The following FBXL13 variants were observed in gnomAD, a reference collection of about 807,000 sequenced individuals.
FBXL13 encodes F-box and leucine-rich repeat protein 13.
A neutral mutation model predicts 83.6 loss-of-function variants in FBXL13; 67 were observed. The observed-to-expected ratio is 0.80, with a 90% confidence interval of 0.66 to 0.98. FBXL13 has a LOEUF of 0.98. FBXL13 is among the 50% of genes least tolerant of loss of function. The pLI, the probability that FBXL13 is intolerant of heterozygous loss-of-function variation, is 0.00. For missense variants in FBXL13, 822 were observed against 866.5 expected (o/e 0.95, Z 0.64); for synonymous variants, 272 against 299.5 (o/e 0.91, Z 0.95).
At chr7:102,998,432 C>G (rs998135248) in intron 6 of FBXL13, among the ~76,000 whole-genome samples, 5 of 152,146 alleles carry the variant, frequency 3.3e-5, no homozygotes, top group African/African-American at 1.2e-4. Context: ...CTTCTTTCAT[C>G]AGTGTTTCAG....
chr7:102,965,872 T>C (rs1825917690), intron 7 of FBXL13, among the ~76,000 whole-genome samples: 1 of 152,184 alleles, frequency 6.6e-6, no homozygotes, highest in South Asian at 2.1e-4. Flanking sequence ...GTCCAGTCAA[T>C]AGCTGACTTC....
At chr7:102,986,027 C>G (rs540873276) in intron 6 of FBXL13, among the ~76,000 whole-genome samples, 10 of 151,836 alleles carry the variant, frequency 6.6e-5, no homozygotes, top group East Asian at 3.9e-4. Context: ...GCCCCCCCCC[C>G]ATCAATACAT....
At chr7:102,867,308 T>C (rs1807795537) in intron 16 of FBXL13, among the ~76,000 whole-genome samples, 4 of 152,000 alleles carry the variant, frequency 2.6e-5, no homozygotes, top group Admixed American at 2.6e-4. Flanking sequence ...CAGTGAGCTA[T>C]GATGATGCCA....
rs756338898 is a variant in FBXL13 at position 102,926,282 on chromosome 7, GA to G, written c.869del (p.Leu290ProfsTer28). ...AATAACACAAACATTACCTCGGCAG[GA>G]GTCGCATCGTCCTGTTGGTGATAGT... On this transcript the variant is annotated frameshift_variant, in exon 10 of 20. Coordinates refer to ENST00000313221, the Ensembl canonical transcript of FBXL13. LOFTEE classifies it high-confidence loss of function. The G allele has an allele frequency of 6.2e-7, 1 of 1,613,344 alleles. No homozygotes were observed. The highest frequency in any genetic ancestry group is 1.7e-5 in the Admixed American group (1 of 59,918).
At chr7:102,885,022 T>C (rs1053987940) in intron 11 of FBXL13, among the ~76,000 whole-genome samples, 1 of 152,234 alleles carries the variant, frequency 6.6e-6, no homozygotes, top group Non-Finnish European at 1.5e-5. Context: ...AAAACTACGT[T>C]TTAAAAATCC....
chr7:102,818,572 AT>A (rs1798324970), intron 19 of FBXL13, among the ~76,000 whole-genome samples: 1 of 152,146 alleles, frequency 6.6e-6, no homozygotes, highest in Non-Finnish European at 1.5e-5. Context: ...TAAGAGTTTT[AT>A]TTTTTATCAA....
intron 3 of FBXL13, among the ~76,000 whole-genome samples, 162 bp from the exon 5 acceptor site, chr7:103,028,910 AAG>A (rs1289484604): frequency 8.5e-5 from 13 of 152,136 alleles, no homozygotes; most frequent in African/African-American, 2.9e-4. Flanking sequence ...AAGAATTCCT[AAG>A]AGTTATAGAG....
intron 8 of FBXL13, among the ~76,000 whole-genome samples, chr7:102,938,440 T>C (rs1367945509): frequency 6.6e-6 from 1 of 152,226 alleles, no homozygotes; most frequent in Non-Finnish European, 1.5e-5. Context: ...ACAACCAATA[T>C]AGCCTGCTAA....
chr7:103,030,616 A>AT (rs1239957779), intron 2 of FBXL13, among the ~76,000 whole-genome samples: 1 of 152,170 alleles, frequency 6.6e-6, no homozygotes, highest in African/African-American at 2.4e-5. Context: ...TCCTAAATAA[A>AT]TAACTACAGT....
At chr7:103,038,709 C>A (rs1019868833) in intron 2 of FBXL13, among the ~76,000 whole-genome samples, 1 of 152,206 alleles carries the variant, frequency 6.6e-6, no homozygotes, top group Admixed American at 6.5e-5. Context: ...CAAACTCCAA[C>A]AGACTGGCAG....
chr7:102,897,828 T>TAG (rs1173036423), intron 11 of FBXL13, among the ~76,000 whole-genome samples: 1 of 152,152 alleles, frequency 6.6e-6, no homozygotes, highest in Non-Finnish European at 1.5e-5. Flanking sequence ...GAGTGAAACT[T>TAG]AGTTACTGTG....
chr7:102,895,976 A>C (rs1482918064), intron 11 of FBXL13, among the ~76,000 whole-genome samples: 1 of 152,230 alleles, frequency 6.6e-6, no homozygotes, highest in Admixed American at 6.5e-5. Context: ...GACTTAGAGG[A>C]AGTTAACCAC....
chr7:102,926,541 CCAATG>C (rs1818170437), intron 9 of FBXL13, among the ~76,000 whole-genome samples, 167 bp from the exon 11 acceptor site: 2 of 152,142 alleles, frequency 1.3e-5, no homozygotes, highest in South Asian at 4.1e-4. Context: ...TAAATAGAAG[CCAATG>C]CTTTTGCTCA....
chr7:102,843,094 C>A (rs1427995435), intron 17 of FBXL13, among the ~76,000 whole-genome samples: 3 of 152,064 alleles, frequency 2.0e-5, no homozygotes, highest in Non-Finnish European at 4.4e-5. Context: ...AGTTTATAAT[C>A]TAAGAGAATG....
chr7:103,043,072 C>G (rs1358437413), intron 2 of FBXL13, among the ~76,000 whole-genome samples: 2 of 152,172 alleles, frequency 1.3e-5, no homozygotes, highest in South Asian at 2.1e-4. Context: ...ATCTACTCAT[C>G]TGACAAAGGG....
intron 6 of FBXL13, among the ~76,000 whole-genome samples, chr7:102,993,307 T>C (rs976883804): frequency 1.3e-5 from 2 of 152,244 alleles, no homozygotes; most frequent in Admixed American, 1.3e-4. Context: ...AACATGGTAC[T>C]AGTTTTAATA....
At chr7:102,977,802 C>G (rs1563178661) in intron 6 of FBXL13, among the ~76,000 whole-genome samples, 1 of 152,128 alleles carries the variant, frequency 6.6e-6, no homozygotes, top group Non-Finnish European at 1.5e-5. Context: ...TTTGTAGGGA[C>G]ATGGATGAAG....
intron 2 of FBXL13, among the ~76,000 whole-genome samples, chr7:103,042,987 A>C (rs1330870085): frequency 2.0e-5 from 3 of 152,236 alleles, no homozygotes; most frequent in African/African-American, 4.8e-5. Flanking sequence ...AATTAAACTA[A>C]AGAGCTTCTG....
intron 6 of FBXL13, among the ~76,000 whole-genome samples, chr7:103,007,805 T>G (rs917133596): frequency 6.6e-6 from 1 of 151,884 alleles, no homozygotes; most frequent in African/African-American, 2.4e-5. Flanking sequence ...CCATGCCAGA[T>G]GAAGGGTATG....
Sources: allele counts gnomAD v4.1 joint callset (sites outside exome capture counted in the v4.1 genomes callset), GRCh38; gene constraint gnomAD v4.1.1; transcripts MANE v1.5; gene names NCBI Gene and HGNC (gene_info 2026-07-23, HGNC 2026-07-21).